PARD3: variants seen among roughly 807,000 people sequenced by gnomAD.
PARD3 encodes the protein par-3 family cell polarity regulator.
PARD3 carries 75 observed loss-of-function variants against 155.4 expected under a neutral mutation model. That is an observed-to-expected ratio of 0.48 (90% CI 0.40 to 0.58). The LOEUF (loss-of-function observed/expected upper bound fraction) is 0.58. PARD3 is among the 20% of genes least tolerant of loss of function. PARD3 has a pLI of 0.00. For missense variants in PARD3, 1,642 were observed against 1,721.7 expected, an observed-to-expected ratio of 0.95 and a Z score of 0.82; for synonymous variants, 576 against 610.5, an observed-to-expected ratio of 0.94 and a Z score of 0.83.
intron 13 of PARD3, 56 bp downstream of exon 13, chr10:34,360,015 G>T: frequency 7.5e-7 from 1 of 1,328,644 alleles, no homozygotes; most frequent in Non-Finnish European, 1.1e-6. Context: ...AATAGGAACA[G>T]GGTTGAAATT....
Position 34,341,753 on chromosome 10 carries a change from T to C in PARD3, c.2282A>G (p.Asp761Gly), listed in dbSNP as rs1294580892. The C allele has an allele frequency of 3.1e-6, 5 of 1,613,558 alleles. No individual in the cohort carries two copies. Among genetic ancestry groups the C allele is most frequent in the South Asian group, 1.1e-5 (1 of 91,068 alleles). Residue 761 changes from aspartate (D) to glycine (G), a missense_variant, in exon 16 of 25, where the codon GAC becomes GGC. Around this residue, in one of 3 missense-constraint regions of PARD3, gnomAD observed 1,529 missense variants for 1,587.3 expected, o/e 0.96. Coordinates refer to ENST00000374788, the MANE Select transcript of PARD3 (RefSeq NM_001184785.2). The part of the protein sequence containing the change: ...PQDDTVIIED[D>G]RLPVLPPHLS... ...ATGTGGAGGAAGCACTGGCAACCTGTCATCTTCTATAATGACAGTGTCATC... is the reference window on the plus strand; with the variant it reads ...ATGTGGAGGAAGCACTGGCAACCTGCCATCTTCTATAATGACAGTGTCATC...
chr10:34,159,652 G>T (rs1949179245), intron 22 of PARD3, among the ~76,000 whole-genome samples: 1 of 152,174 alleles, frequency 6.6e-6, no homozygotes, highest in Non-Finnish European at 1.5e-5. Context: ...TTTCAACAAG[G>T]TCCTTATCCA....
chr10:34,306,943 G>A (rs1482783055), intron 20 of PARD3, among the ~76,000 whole-genome samples: 2 of 151,898 alleles, frequency 1.3e-5, no homozygotes, highest in East Asian at 3.9e-4. Flanking sequence ...CTGGAGTGCA[G>A]TGACGCCATC....
chr10:34,150,689 G>A (rs1426695361), intron 22 of PARD3, among the ~76,000 whole-genome samples: 2 of 152,172 alleles, frequency 1.3e-5, no homozygotes, highest in African/African-American at 4.8e-5. Flanking sequence ...GAATACCTGG[G>A]CTATGGCAGG....
chr10:34,171,027 T>G (rs928407357), intron 22 of PARD3, among the ~76,000 whole-genome samples: 2 of 152,192 alleles, frequency 1.3e-5, no homozygotes, highest in African/African-American at 4.8e-5. Context: ...GATGTCTAAA[T>G]AGAAAACATG....
At chr10:34,690,250 A>G (rs1324859453) in intron 2 of PARD3, among the ~76,000 whole-genome samples, 3 of 152,106 alleles carry the variant, frequency 2.0e-5, no homozygotes, top group Non-Finnish European at 2.9e-5. Flanking sequence ...GGATGGCCTC[A>G]CTGATTTTTA....
intron 7 of PARD3, among the ~76,000 whole-genome samples, chr10:34,390,691 C>G (rs1842796862): frequency 6.6e-6 from 1 of 151,980 alleles, no homozygotes; most frequent in Non-Finnish European, 1.5e-5. Flanking sequence ...CTGACTGACA[C>G]AGAGAGGTAA....
intron 14 of PARD3, among the ~76,000 whole-genome samples, chr10:34,354,773 G>A (rs1007326825): frequency 6.6e-6 from 1 of 152,154 alleles, no homozygotes; most frequent in Admixed American, 6.5e-5. Flanking sequence ...GTAGGGCACC[G>A]ATGACAATCA....
At chr10:34,695,571 C>CTCCTCT (rs1000646109) in intron 2 of PARD3, among the ~76,000 whole-genome samples, 4 of 152,256 alleles carry the variant, frequency 2.6e-5, no homozygotes, top group East Asian at 1.9e-4. Flanking sequence ...CCTCCTCCCC[C>CTCCTCT]TCCTCTTCCT....
intron 22 of PARD3, among the ~76,000 whole-genome samples, chr10:34,157,761 C>CA (rs1182154074): frequency 2.0e-4 from 31 of 152,256 alleles, no homozygotes; most frequent in African/African-American, 5.5e-4. Flanking sequence ...ACTTGTTTTT[C>CA]ATGGTTCTGA....
chr10:34,553,308 T>C (rs752397651), intron 2 of PARD3, among the ~76,000 whole-genome samples: 13 of 152,096 alleles, frequency 8.5e-5, no homozygotes, highest in Non-Finnish European at 1.6e-4. Flanking sequence ...TGAATCTGAG[T>C]GCACAGAGCA....
At position 34,405,315 on chromosome 10, in the gene PARD3, C is replaced by T. The variant is rs150867390; in HGVS notation, c.715-3398G>A. Among the ~76,000 whole-genome samples the T allele has an allele frequency of 8.0e-3, 1,223 of 152,076 alleles. 19 individuals are homozygous for T. The highest frequency in any genetic ancestry group is 0.027 in the African/African-American group (1,135 of 41,480). On this transcript the variant is annotated intron_variant, in intron 5 of 24. Transcript: ENST00000374788. ...TTTAGGGCAATTATGTACAAATATA[C>T]GACATTTTAAGAGTATATACATGTA...
In PARD3 at chr10:34,286,579, T is replaced by A. The variant is rs551640125; in HGVS notation, c.3066-2334A>T. Among the ~76,000 whole-genome samples, 10 of 152,294 alleles carry A rather than the reference T, an allele frequency of 6.6e-5. No individual in the cohort carries two copies. In the South Asian group the frequency reaches 2.1e-3, roughly 32 times the overall value. ...GAGACACAGGCAGGCTGAGTGTCTT[T>A]GAGGAATGGCAAGGGCCATTCTTGC... On this transcript the variant is annotated intron_variant, in intron 20 of 24. Coordinates refer to ENST00000374788, the MANE Select transcript of PARD3 (RefSeq NM_001184785.2).
intron 2 of PARD3, among the ~76,000 whole-genome samples, chr10:34,615,531 T>C (rs1265108318): frequency 6.6e-6 from 1 of 152,196 alleles, no homozygotes; most frequent in East Asian, 1.9e-4. Flanking sequence ...GGAAAAAGGC[T>C]TCCCGACATT....
At chr10:34,332,612 T>TA (rs1047780516) in intron 18 of PARD3, among the ~76,000 whole-genome samples, 3 of 152,206 alleles carry the variant, frequency 2.0e-5, no homozygotes, top group Admixed American at 2.0e-4. Context: ...TCACTGATGT[T>TA]AAATGAAGCT....
intron 20 of PARD3, among the ~76,000 whole-genome samples, chr10:34,286,317 C>A (rs1305484579): frequency 6.6e-6 from 1 of 152,228 alleles, no homozygotes; most frequent in Non-Finnish European, 1.5e-5. Context: ...CACATTAGGT[C>A]ATTTCAACTG....
chr10:34,413,777 A>AG (rs959562633), intron 5 of PARD3, among the ~76,000 whole-genome samples: 5 of 152,214 alleles, frequency 3.3e-5, no homozygotes, highest in African/African-American at 1.2e-4. Context: ...TGCAAGGGAA[A>AG]GGGGGAACAA....
At chr10:34,607,040 G>C (rs1211270634) in intron 2 of PARD3, among the ~76,000 whole-genome samples, 2 of 150,592 alleles carry the variant, frequency 1.3e-5, no homozygotes, top group Admixed American at 1.3e-4. Context: ...CAGATTTGTA[G>C]ATAGATGCAT....
intron 22 of PARD3, among the ~76,000 whole-genome samples, chr10:34,203,163 G>C (rs1951301056): frequency 6.6e-6 from 1 of 152,102 alleles, no homozygotes; most frequent in Admixed American, 6.6e-5. Flanking sequence ...TGGAGTGTGG[G>C]TACACTGCAA....
Sources: allele counts gnomAD v4.1 joint callset (sites outside exome capture counted in the v4.1 genomes callset), GRCh38; gene constraint gnomAD v4.1.1; regional missense constraint gnomAD v4.1.1; transcripts MANE v1.5; gene names NCBI Gene and HGNC (gene_info 2026-07-23, HGNC 2026-07-21).